The following CDH8 variants were observed in gnomAD, a reference collection of about 807,000 sequenced individuals.
CDH8 encodes the protein cadherin-8.
In CDH8, 17 loss-of-function variants were observed where a neutral mutation model predicts 68.1. The observed-to-expected ratio is 0.25, with a 90% confidence interval of 0.17 to 0.37. CDH8 has a LOEUF of 0.37. CDH8 is among the 10% of genes least tolerant of loss of function. The probability of loss-of-function intolerance (pLI) is 1.00; values close to 1 mark genes in which losing one functional copy is unlikely to be tolerated. For synonymous variants in CDH8, 372 were observed against 365.1 expected (o/e 1.02, Z -0.21); for missense variants, 763 against 999.3 (o/e 0.76, Z 3.19).
At chr16:61,844,524 AT>A (rs1962763293) in intron 4 of CDH8, among the ~76,000 whole-genome samples, 1 of 152,200 alleles carries the variant, frequency 6.6e-6, no homozygotes, top group Non-Finnish European at 1.5e-5. Context: ...ACAGTCCTCA[AT>A]AACCATTTTC....
intron 2 of CDH8, among the ~76,000 whole-genome samples, chr16:61,999,017 G>C (rs1965851243): frequency 6.6e-6 from 1 of 152,118 alleles, no homozygotes; most frequent in African/African-American, 2.4e-5. Context: ...AGTCTCATTA[G>C]CAAACATAAC....
intron 2 of CDH8, among the ~76,000 whole-genome samples, chr16:61,991,945 C>T (rs543754097): frequency 1.3e-5 from 2 of 152,064 alleles, no homozygotes; most frequent in South Asian, 4.2e-4. Context: ...GATCAGACAG[C>T]GGGGGATTTA....
At chr16:61,789,589 A>T (rs1207409197) in intron 7 of CDH8, 107 bp from the exon 8 acceptor site, 56 of 1,071,432 alleles carry the variant, frequency 5.2e-5, no homozygotes, top group Non-Finnish European at 7.3e-5. Context: ...AAATCAAATG[A>T]ATTGGGAAAC....
At chr16:61,679,475 G>A (rs2142796703) in intron 10 of CDH8, among the ~76,000 whole-genome samples, 1 of 152,104 alleles carries the variant, frequency 6.6e-6, no homozygotes, top group East Asian at 1.9e-4. Flanking sequence ...ACATGTACCA[G>A]TTACTGTGCT....
rs1474441644 is a variant in CDH8, at chr16:61,648,571, A to T, written c.*5037T>A. The stretch of plus-strand genomic sequence containing the variant: ...GTTAAGGGGATTTAGTGTCAGATCA[A>T]CCAAACTTAAACCCAGACTCAAATA... On this transcript the variant is annotated 3_prime_UTR_variant, in exon 12 of 12. Transcript: ENST00000577390. 1 of 151,886 alleles carries T rather than the reference A, an allele frequency of 6.6e-6. No individual in the cohort carries two copies. Among genetic ancestry groups the T allele is most frequent in the Non-Finnish European group, 1.5e-5 (1 of 67,860 alleles). 9.4% of individuals were successfully genotyped at this position (151,886 alleles called of 1,614,324 possible).
intron 4 of CDH8, among the ~76,000 whole-genome samples, chr16:61,833,947 A>C (rs1040405194): frequency 6.6e-6 from 1 of 151,838 alleles, no homozygotes; most frequent in Non-Finnish European, 1.5e-5. Flanking sequence ...CCTCTATTTC[A>C]ACCTGTCCTG....
chr16:61,977,031 C>A lies in CDH8; in HGVS notation c.252+44121G>T, dbSNP rs148914060. On this transcript the variant is annotated intron_variant, in intron 2 of 11. Transcript: ENST00000577390. ...TCCTGAACTGCATAATATAAGAAGT[C>A]AGAATTGTAATGAAGAGCATACAAT... Among the ~76,000 whole-genome samples the A allele has an allele frequency of 1.7e-3, 264 of 152,220 alleles. 3 individuals are homozygous for A. The highest frequency in any genetic ancestry group is 6.0e-3 in the African/African-American group (251 of 41,552).
chr16:61,845,954 A>G (rs1186687426), intron 4 of CDH8, among the ~76,000 whole-genome samples: 1 of 152,132 alleles, frequency 6.6e-6, no homozygotes, highest in Non-Finnish European at 1.5e-5. Context: ...TCTAATTGCA[A>G]GGGGAAAAAA....
rs1165564723 is a variant in CDH8 at position 62,013,261 on chromosome 16, CAAAAAAAAAAAAA to C, written c.252+7878_252+7890del. On this transcript the variant is annotated intron_variant, in intron 2 of 11. Transcript: ENST00000577390. ...TGGGCGACAGAGCGAGACTCCGTCT[CAAAAAAAAAAAAA>C]AAAAAAAAAAAAAAAAAAATTAACT... 6.2e-4 allele frequency among the ~76,000 whole-genome samples: 4 copies of C among 6,404 alleles called. 1 individual carries two copies. The highest frequency in any genetic ancestry group is 0.018 in the East Asian group (2 of 114). The allele number at this position is 6,404 out of a possible 152,430, so 4.2% of individuals were successfully genotyped here.
intron 2 of CDH8, among the ~76,000 whole-genome samples, chr16:61,991,241 A>T (rs1011031734): frequency 2.6e-5 from 4 of 152,122 alleles, no homozygotes; most frequent in Admixed American, 2.6e-4. Flanking sequence ...GGCGGAAGGG[A>T]AGGAAACTCA....
intron 2 of CDH8, among the ~76,000 whole-genome samples, chr16:62,012,972 A>AATCAAGAGCATT (rs1416074277): frequency 2.6e-5 from 3 of 116,152 alleles, no homozygotes; most frequent in Non-Finnish European, 5.8e-5. Context: ...TAACTACTTA[A>AATCAAGAGCATT]GGCCGGGCGC....
chr16:61,824,946 T>A (rs1224472910), intron 5 of CDH8, 66 bp downstream of exon 5: 1 of 1,372,776 alleles, frequency 7.3e-7, no homozygotes, highest in African/African-American at 1.5e-5. Flanking sequence ...TCACTAAAAA[T>A]TATAATATAA....
At chr16:61,978,047 T>C in intron 2 of CDH8, among the ~76,000 whole-genome samples, 1 of 152,158 alleles carries the variant, frequency 6.6e-6, no homozygotes, top group South Asian at 2.1e-4. Flanking sequence ...ACATTCATGC[T>C]CAGTTTAAGT....
chr16:61,922,194 G>T (rs1038168410), intron 2 of CDH8, among the ~76,000 whole-genome samples: 4 of 152,114 alleles, frequency 2.6e-5, no homozygotes, highest in Non-Finnish European at 5.9e-5. Context: ...AGGACAGAAA[G>T]AATCCAGGCC....
chr16:61,795,632 A>T (rs545963695), intron 7 of CDH8, among the ~76,000 whole-genome samples: 1 of 152,256 alleles, frequency 6.6e-6, no homozygotes, highest in Admixed American at 6.5e-5. Context: ...TAAAGCCCAA[A>T]TTGACTGTGG....
chr16:61,647,304 T>C lies in CDH8; in HGVS notation c.*6304A>G, dbSNP rs989433013. 5 of 152,014 alleles carry C rather than the reference T, an allele frequency of 3.3e-5. No homozygotes were observed. Among genetic ancestry groups the C allele is most frequent in the Non-Finnish European group, 7.3e-5 (5 of 68,040 alleles). The allele number at this position is 152,014 out of a possible 1,614,324, so 9.4% of individuals were successfully genotyped here. A position where few individuals can be genotyped will look rare whatever the true frequency, so the allele number is the denominator to read the frequency against. ...AATATCATTATGTATAAATAATTAT[T>C]ATTTATAAATTTTGGCTCTAACATT... On this transcript the variant is annotated 3_prime_UTR_variant, in exon 12 of 12. Transcript: ENST00000577390.
chr16:61,658,061 C>A (rs549281316), intron 10 of CDH8, among the ~76,000 whole-genome samples: 1 of 152,068 alleles, frequency 6.6e-6, no homozygotes, highest in South Asian at 2.1e-4. Flanking sequence ...ACATCAATTC[C>A]TTTTTTACCT....
At chr16:61,882,096 T>C (rs749514420) in intron 3 of CDH8, among the ~76,000 whole-genome samples, 6 of 152,208 alleles carry the variant, frequency 3.9e-5, no homozygotes, top group Non-Finnish European at 5.9e-5. Flanking sequence ...AGAATGTCTC[T>C]TCAAACCCCA....
chr16:61,653,746 T>C lies in CDH8; in HGVS notation c.2262A>G (p.Ser754=). 1 of 1,614,238 alleles carries C rather than the reference T, an allele frequency of 6.2e-7. No homozygotes were observed. The highest frequency in any genetic ancestry group is 8.5e-7 in the Non-Finnish European group (1 of 1,180,044). The stretch of plus-strand genomic sequence containing the variant: ...CCAAGGAGCTGAGGGAGCCAGCCAC[T>C]GACCCTCGGCCTTCATAGCCATATA... ...IQIYGYEGRG[S]VAGSLSSLES... is the part of the protein sequence containing the mutation. The change falls in exon 12 of 12, where the codon TCA becomes TCG. Residue 754 remains serine, a synonymous_variant. Coordinates refer to ENST00000577390, the MANE Select transcript of CDH8 (RefSeq NM_001796.5).
Sources: gnomAD v4.1 joint callset for allele counts (sites outside exome capture counted in the v4.1 genomes callset) on GRCh38, gnomAD v4.1.1 for gene constraint, MANE v1.5 for transcripts, NCBI Gene and HGNC (gene_info 2026-07-23, HGNC 2026-07-21) for gene names.